Variants in DBT observed in about 807,000 individuals in gnomAD.
The protein encoded by DBT is dihydrolipoamide branched chain transacylase E2.
In DBT, 40 loss-of-function variants were observed where a neutral mutation model predicts 51.3. The ratio of observed to expected loss-of-function variants is 0.78; its 90% CI spans 0.61 to 1.02. The LOEUF is 1.02. Among genes scored for constraint, DBT ranks in the 50% least tolerant of loss-of-function variants. The probability of loss-of-function intolerance (pLI) is 0.00; values close to 1 mark genes in which losing one functional copy is unlikely to be tolerated. For missense variants in DBT, 510 were observed against 580.2 expected (o/e 0.88, Z 1.24); for synonymous variants, 181 against 190.4 (o/e 0.95, Z 0.41).
At chr1:100,197,580 A>C (rs964096478) in intron 10 of DBT, among the ~76,000 whole-genome samples, 1 of 152,346 alleles carries the variant, frequency 6.6e-6, no homozygotes, top group South Asian at 2.1e-4. Context: ...CAGATAAAGA[A>C]AAGCGGTGAG....
intron 7 of DBT, among the ~76,000 whole-genome samples, chr1:100,214,567 C>T (rs1045369316): frequency 2.0e-5 from 3 of 152,060 alleles, no homozygotes; most frequent in Non-Finnish European, 4.4e-5. Flanking sequence ...CCAGCCTGAC[C>T]AACATGGCGA....
intron 4 of DBT, among the ~76,000 whole-genome samples, chr1:100,221,835 A>G (rs1167903723): frequency 2.6e-5 from 4 of 152,234 alleles, no homozygotes; most frequent in Non-Finnish European, 4.4e-5. Context: ...ATAAAAGAAT[A>G]ATATGAATTG....
intron 4 of DBT, among the ~76,000 whole-genome samples, chr1:100,223,040 C>A (rs1662964140): frequency 6.6e-6 from 1 of 152,136 alleles, no homozygotes; most frequent in African/African-American, 2.4e-5. Context: ...GGCACAAGGA[C>A]AATCTAAACG....
intron 8 of DBT, among the ~76,000 whole-genome samples, chr1:100,208,288 C>T (rs1435603929): frequency 1.3e-5 from 2 of 152,168 alleles, no homozygotes; most frequent in African/African-American, 4.8e-5. Flanking sequence ...CTCAAGATAT[C>T]TCCTTTGTAT....
At chr1:100,241,353 T>C (rs188868042) in intron 1 of DBT, among the ~76,000 whole-genome samples, 1 of 144,374 alleles carries the variant, frequency 6.9e-6, no homozygotes, top group Non-Finnish European at 1.5e-5. Context: ...AAAACCTAAG[T>C]GTCTGAAAGG....
At chr1:100,239,204 G>A (rs1359347873) in intron 2 of DBT, among the ~76,000 whole-genome samples, 1 of 152,140 alleles carries the variant, frequency 6.6e-6, no homozygotes, top group Non-Finnish European at 1.5e-5. Context: ...TAAATACTAT[G>A]ATTACTCCCA....
intron 7 of DBT, chr1:100,213,222 C>T: frequency 1.1e-6 from 1 of 882,116 alleles, no homozygotes; most frequent in Non-Finnish European, 1.5e-6. Flanking sequence ...GCGTCTGCCT[C>T]AGAGGGGCCC....
intron 2 of DBT, among the ~76,000 whole-genome samples, chr1:100,238,545 G>A (rs1248136742): frequency 6.6e-6 from 1 of 151,018 alleles, no homozygotes; most frequent in Non-Finnish European, 1.5e-5. Flanking sequence ...GCCCAGGCTG[G>A]AGGGCAGTGG....
At chr1:100,211,228 A>T (rs1045228243) in intron 7 of DBT, 4 of 688,064 alleles carry the variant, frequency 5.8e-6, no homozygotes, top group Non-Finnish European at 1.1e-5. Flanking sequence ...CCAGTTTGCT[A>T]CTTGGTGTCC....
chr1:100,211,581 A>G (rs1329001988), intron 7 of DBT, among the ~76,000 whole-genome samples: 2 of 152,176 alleles, frequency 1.3e-5, no homozygotes, highest in South Asian at 2.1e-4. Context: ...GCATTGTGTT[A>G]TTCTTCTCAG....
intron 2 of DBT, among the ~76,000 whole-genome samples, chr1:100,237,353 C>T (rs191641311): frequency 2.6e-5 from 4 of 152,236 alleles, no homozygotes; most frequent in East Asian, 1.9e-4. Flanking sequence ...GGAGCCTGGG[C>T]GTAACCAGCA....
intron 8 of DBT, chr1:100,210,453 T>G: frequency 2.4e-6 from 1 of 421,218 alleles, no homozygotes; most frequent in Non-Finnish European, 4.2e-6. Context: ...CAGCTATGTA[T>G]TTCCATTATT....
At position 100,190,807 on chromosome 1, in the gene DBT, G is replaced by A. The variant is rs1280724353; in HGVS notation, c.*5448C>T. The A allele has an allele frequency of 6.6e-6, 1 of 152,208 alleles. No individual in the cohort carries two copies. Among genetic ancestry groups the A allele is most frequent in the African/African-American group, 2.4e-5 (1 of 41,452 alleles). The allele number at this position is 152,208 out of a possible 1,614,324, so 9.4% of individuals were successfully genotyped here. A position where few individuals can be genotyped will look rare whatever the true frequency, so the allele number is the denominator to read the frequency against. ...GATTGAATCACTTTGTCTGCTCTGAGGTTATTTGCTTATTATGACAAGCCT... is the reference window on the plus strand; with the variant it reads ...GATTGAATCACTTTGTCTGCTCTGAAGTTATTTGCTTATTATGACAAGCCT... On this transcript the variant is annotated 3_prime_UTR_variant, in exon 11 of 11. Transcript: ENST00000370132.
In DBT at chr1:100,189,354, A is replaced by ATT. The variant is rs1557935853; in HGVS notation, c.*6900_*6901insAA. The ATT allele has an allele frequency of 3.6e-4, 51 of 142,306 alleles. No homozygotes were observed. Among genetic ancestry groups the ATT allele is most frequent in the South Asian group, 6.8e-4 (3 of 4,412 alleles). The allele number at this position is 142,306 out of a possible 1,614,324, so 8.8% of individuals were successfully genotyped here. Reference sequence around the variant, plus strand: ...AGTGAGACTCCATCTCAAAAATTAAAAAAAAAAAAAAAAAAAGCCTGTGGT... The same window carrying ATT: ...AGTGAGACTCCATCTCAAAAATTAAATTAAAAAAAAAAAAAAAAGCCTGTGGT... On this transcript the variant is annotated 3_prime_UTR_variant, in exon 11 of 11. Coordinates refer to ENST00000370132, the MANE Select transcript of DBT (RefSeq NM_001918.5).
intron 6 of DBT, among the ~76,000 whole-genome samples, chr1:100,215,195 A>G (rs1233190390): frequency 6.6e-6 from 1 of 152,220 alleles, no homozygotes; most frequent in Non-Finnish European, 1.5e-5. Flanking sequence ...TCAGTGGCAA[A>G]TGCAATAACA....
At chr1:100,237,006 G>C (rs111861789) in intron 2 of DBT, among the ~76,000 whole-genome samples, 2,933 of 152,316 alleles carry the variant, frequency 0.019, 50 homozygotes, top group Middle Eastern at 0.051. Flanking sequence ...ATTCTTTGCA[G>C]CTGTTCCCAT....
intron 5 of DBT, among the ~76,000 whole-genome samples, chr1:100,218,234 G>A (rs1662611156): frequency 1.3e-5 from 2 of 152,080 alleles, no homozygotes; most frequent in Non-Finnish European, 1.5e-5. Flanking sequence ...ACCATGTCTG[G>A]CCAATTTCCC....
At chr1:100,218,865 C>A in intron 4 of DBT, 118 bp from the exon 5 acceptor site, 1 of 714,488 alleles carries the variant, frequency 1.4e-6, no homozygotes, top group Middle Eastern at 4.1e-4. Context: ...AGTTTATAGT[C>A]TAAATGTATA....
At chr1:100,221,592 G>T (rs1344854935) in intron 4 of DBT, among the ~76,000 whole-genome samples, 1 of 152,138 alleles carries the variant, frequency 6.6e-6, no homozygotes. Flanking sequence ...CAGTTGATAT[G>T]ACTTTAGTGT....
Sources: gnomAD v4.1 joint callset for allele counts (sites outside exome capture counted in the v4.1 genomes callset) on GRCh38, gnomAD v4.1.1 for gene constraint, MANE v1.5 for transcripts, NCBI Gene and HGNC (gene_info 2026-07-23, HGNC 2026-07-21) for gene names.